Variants in UPRT observed in about 807,000 individuals in gnomAD.
UPRT encodes the protein RP11-311P8.3.
A neutral mutation model predicts 22.6 loss-of-function variants in UPRT; 5 were observed. The ratio of observed to expected loss-of-function variants is 0.22; its 90% confidence interval spans 0.12 to 0.47. The LOEUF (loss-of-function observed/expected upper bound fraction) is 0.47, where lower values mean the gene tolerates loss of function less well. Ranked by LOEUF, UPRT falls within the 20% of genes least tolerant of loss-of-function variation. The probability of loss-of-function intolerance (pLI) is 0.99; values close to 1 mark genes in which losing one functional copy is unlikely to be tolerated. For missense variants in UPRT, 181 were observed against 239.9 expected (o/e 0.75, Z 1.62); for synonymous variants, 77 against 87.7 (o/e 0.88, Z 0.68).
chrX:75,201,000 T>G (rs1018909312), intron 4 of UPRT, among the ~76,000 whole-genome samples: 1 of 112,017 alleles, frequency 8.9e-6, no homozygotes, highest in African/African-American at 3.2e-5. Flanking sequence ...TAAGTCCAAA[T>G]ATTTAACATG....
At chrX:75,216,354 C>A (rs1476674756) in intron 4 of UPRT, among the ~76,000 whole-genome samples, 1 of 111,829 alleles carries the variant, frequency 8.9e-6, no homozygotes, top group African/African-American at 3.2e-5. Context: ...TAGAAGGGAA[C>A]TTCTTCAACT....
intron 1 of UPRT, among the ~76,000 whole-genome samples, chrX:75,282,764 T>C (rs1052366564): frequency 9.0e-6 from 1 of 111,641 alleles, no homozygotes; most frequent in Non-Finnish European, 1.9e-5. Context: ...TTGGACGAAA[T>C]GTTCTGTATG....
chrX:75,252,023 A>G (rs928523755), intron 4 of UPRT, among the ~76,000 whole-genome samples: 2 of 112,459 alleles, frequency 1.8e-5, no homozygotes, highest in African/African-American at 6.5e-5. Flanking sequence ...AGAAAGCTGA[A>G]ACTGCATCCC....
At chrX:75,284,393 T>G (rs2147692728) in intron 1 of UPRT, among the ~76,000 whole-genome samples, 1 of 111,371 alleles carries the variant, frequency 9.0e-6, no homozygotes, top group Non-Finnish European at 1.9e-5. Context: ...ATTACCAGGG[T>G]TTGTTTTCTG....
At chrX:75,240,700 C>G (rs2082485742) in intron 4 of UPRT, among the ~76,000 whole-genome samples, 1 of 111,391 alleles carries the variant, frequency 9.0e-6, no homozygotes, top group South Asian at 3.7e-4. Context: ...CTGTAGTTGC[C>G]AAAACAACAT....
chrX:75,198,470 G>A (rs1043284120), intron 4 of UPRT, among the ~76,000 whole-genome samples: 2 of 112,118 alleles, frequency 1.8e-5, no homozygotes, highest in Non-Finnish European at 3.8e-5. Context: ...GGGGCAGGGA[G>A]CCAGTATAGA....
At chrX:75,213,456 C>T (rs1173691914) in intron 4 of UPRT, among the ~76,000 whole-genome samples, 1 of 111,528 alleles carries the variant, frequency 9.0e-6, no homozygotes, top group East Asian at 2.8e-4. Flanking sequence ...TTTTATTAAA[C>T]AAAGTAAAAG....
At chrX:75,185,807 G>T (rs767978325) in intron 4 of UPRT, among the ~76,000 whole-genome samples, 1 of 111,490 alleles carries the variant, frequency 9.0e-6, no homozygotes, top group African/African-American at 3.3e-5. Context: ...GTTTATTTGC[G>T]TAGCGGTGTT....
At chrX:75,180,809 G>A (rs986110997) in intron 4 of UPRT, among the ~76,000 whole-genome samples, 6 of 98,399 alleles carry the variant, frequency 6.1e-5, no homozygotes, top group East Asian at 3.5e-4. Flanking sequence ...CATACTATAC[G>A]TTGTCTGCTT....
intron 4 of UPRT, among the ~76,000 whole-genome samples, chrX:75,184,962 G>A (rs1393128898): frequency 2.7e-5 from 3 of 109,943 alleles, no homozygotes; most frequent in Non-Finnish European, 3.8e-5. Flanking sequence ...CATGTCGTCT[G>A]CAAACAGGTA....
intron 4 of UPRT, among the ~76,000 whole-genome samples, chrX:75,184,958 G>T (rs866359745): frequency 2.0e-4 from 22 of 110,793 alleles, no homozygotes; most frequent in South Asian, 7.8e-4. Context: ...CAATCATGTC[G>T]TCTGCAAACA....
chrX:75,246,744 C>A (rs964594122), intron 4 of UPRT, among the ~76,000 whole-genome samples: 2 of 111,671 alleles, frequency 1.8e-5, no homozygotes, highest in Non-Finnish European at 3.8e-5. Flanking sequence ...TCCTATTTCT[C>A]CACATCCTCT....
At chrX:75,267,854 G>C (rs1025837271) in intron 4 of UPRT, among the ~76,000 whole-genome samples, 1 of 110,982 alleles carries the variant, frequency 9.0e-6, no homozygotes, top group Non-Finnish European at 1.9e-5. Flanking sequence ...AAAAGAACTG[G>C]AGAAGAAAGT....
chrX:75,179,621 G>A (rs1296428502), intron 4 of UPRT, among the ~76,000 whole-genome samples: 1 of 113,350 alleles, frequency 8.8e-6, no homozygotes, highest in Non-Finnish European at 1.9e-5. Context: ...GAGTGGGTGG[G>A]AGGCTTAGGC....
At chrX:75,185,982 T>C (rs1365679970) in intron 4 of UPRT, among the ~76,000 whole-genome samples, 2 of 82,442 alleles carry the variant, frequency 2.4e-5, no homozygotes, top group South Asian at 1.3e-3. Flanking sequence ...GCTCCTGTAT[T>C]CATTAATTTT....
intron 4 of UPRT, among the ~76,000 whole-genome samples, chrX:75,185,282 G>A (rs2082285952): frequency 8.9e-6 from 1 of 111,989 alleles, no homozygotes; most frequent in African/African-American, 3.2e-5. Context: ...AGATAATCAT[G>A]TGTTTTTTGT....
chrX:75,300,008 T>TC (rs946136541), intron 5 of UPRT, 112 bp downstream of exon 5: 23 of 951,298 alleles, frequency 2.4e-5, no homozygotes, highest in Non-Finnish European at 3.3e-5. Flanking sequence ...AATGTTTTTT[T>TC]CTCAGTTGGG....
At chrX:75,228,227 G>C (rs1000354832) in intron 4 of UPRT, among the ~76,000 whole-genome samples, 2 of 111,969 alleles carry the variant, frequency 1.8e-5, no homozygotes, top group Non-Finnish European at 3.8e-5. Flanking sequence ...TTGAGGCAAG[G>C]GCTCTAGGTC....
chrX:75,234,223 C>T (rs1602465062), intron 4 of UPRT, among the ~76,000 whole-genome samples: 1 of 111,621 alleles, frequency 9.0e-6, no homozygotes, highest in African/African-American at 3.3e-5. Context: ...ATCGATTCAA[C>T]AAGAAGAGCT....
Sources: gnomAD v4.1 joint callset for allele counts (sites outside exome capture counted in the v4.1 genomes callset) on GRCh38, gnomAD v4.1.1 for gene constraint, MANE v1.5 for transcripts, NCBI Gene and HGNC (gene_info 2026-07-23, HGNC 2026-07-21) for gene names.